The following COL9A1 variants were observed in gnomAD, a reference collection of about 807,000 sequenced individuals.
The protein encoded by COL9A1 is collagen type IX alpha 1 chain.
In COL9A1, 104 loss-of-function variants were observed where a neutral mutation model predicts 142.6. The observed-to-expected ratio is 0.73, with a 90% CI of 0.62 to 0.86. The LOEUF (loss-of-function observed/expected upper bound fraction) is 0.86, where lower values mean the gene tolerates loss of function less well. Among genes scored for constraint, COL9A1 ranks in the 40% least tolerant of loss-of-function variants. The probability of loss-of-function intolerance (pLI) is 0.00; values close to 1 mark genes in which losing one functional copy is unlikely to be tolerated. For missense variants in COL9A1, 1,210 were observed against 1,176.6 expected (o/e 1.03, Z -0.42); for synonymous variants, 466 against 396.0 (o/e 1.18, Z -2.10).
intron 4 of COL9A1, among the ~76,000 whole-genome samples, chr6:70,295,869 C>T (rs1221841021): frequency 2.0e-5 from 3 of 152,134 alleles, no homozygotes; most frequent in Non-Finnish European, 4.4e-5. Context: ...AGAAAAATTC[C>T]TAAGCAAGGA....
At chr6:70,234,747 G>A (rs776778931) in intron 34 of COL9A1, 47 bp downstream of exon 34, 6 of 1,613,262 alleles carry the variant, frequency 3.7e-6, no homozygotes, top group Non-Finnish European at 4.2e-6. Flanking sequence ...CTGCTGCTGT[G>A]GGATGGAGTC....
intron 16 of COL9A1, 83 bp from the exon 17 acceptor site, chr6:70,268,943 T>A: frequency 8.7e-7 from 1 of 1,151,564 alleles, no homozygotes; most frequent in Non-Finnish European, 1.3e-6. Context: ...CAGTATCTTT[T>A]TTAAGGGATT....
intron 18 of COL9A1, among the ~76,000 whole-genome samples, chr6:70,264,199 T>A (rs1771874340): frequency 6.6e-6 from 1 of 152,034 alleles, no homozygotes; most frequent in African/African-American, 2.4e-5. Context: ...TCATTTATAG[T>A]TACTCTTATT....
At chr6:70,273,134 C>G (rs964400395) in intron 12 of COL9A1, among the ~76,000 whole-genome samples, 3 of 152,090 alleles carry the variant, frequency 2.0e-5, no homozygotes, top group African/African-American at 4.8e-5. Context: ...TTCACATGGA[C>G]AGTATGTTTT....
chr6:70,257,058 T>A (rs1367085034), intron 20 of COL9A1, among the ~76,000 whole-genome samples: 2 of 143,288 alleles, frequency 1.4e-5, no homozygotes. Flanking sequence ...ATTTTTTTTT[T>A]TTTTTTTTTT....
At chr6:70,231,797 T>C (rs1056677246) in intron 36 of COL9A1, among the ~76,000 whole-genome samples, 1 of 152,006 alleles carries the variant, frequency 6.6e-6, no homozygotes, top group African/African-American at 2.4e-5. Flanking sequence ...TCACTCATCA[T>C]GACATAGAAA....
intron 33 of COL9A1, among the ~76,000 whole-genome samples, chr6:70,236,819 ACTT>A (rs1292213528): frequency 2.0e-5 from 3 of 151,242 alleles, no homozygotes; most frequent in Admixed American, 6.6e-5. Flanking sequence ...AACTGTAACA[ACTT>A]CTTTTTTTTT....
At chr6:70,252,021 C>T (rs1006125964) in intron 28 of COL9A1, 99 bp downstream of exon 28, 4 of 1,252,452 alleles carry the variant, frequency 3.2e-6, no homozygotes, top group African/African-American at 2.9e-5. Flanking sequence ...TGGGCTCAAA[C>T]ATCAGACAGC....
At position 70,303,031 on chromosome 6, in the gene COL9A1, T is replaced by C. The variant is rs9455037; in HGVS notation, c.-107A>G. 15,064 of 1,245,044 alleles carry C rather than the reference T, an allele frequency of 0.012. 1,294 individuals are homozygous for C. The African/African-American group carries it at 0.19, about 16-fold the overall frequency. The allele number at this position is 1,245,044 out of a possible 1,614,324, so 77.1% of individuals were successfully genotyped here. ...TTCACTGTTACCCTAGGACTATGTG[T>C]TCTGGGCCCAGCCTTGGTCCCTCCT... On this transcript the variant is annotated 5_prime_UTR_variant, in exon 1 of 38. Coordinates refer to ENST00000357250, the MANE Select transcript of COL9A1 (RefSeq NM_001851.6).
chr6:70,232,599 A>G lies in COL9A1; in HGVS notation c.2487T>C (p.Gly829=). Residue 829 remains glycine, a synonymous_variant, in exon 36 of 38, where the codon GGT becomes GGC. Coordinates refer to ENST00000357250, the MANE Select transcript of COL9A1 (RefSeq NM_001851.6). ...PGIKGPPGAL[G]LRGPKGDLGE... ...ATGACTTACCTTTAGGTCCCCTCAA[A>G]CCAAGAGCACCAGGGGGCCCCTTAA... 1 of 1,614,012 alleles carries G rather than the reference A, an allele frequency of 6.2e-7. No individual in the cohort carries two copies. The highest frequency in any genetic ancestry group is 8.5e-7 in the Non-Finnish European group (1 of 1,180,028).
chr6:70,302,871 C>T, intron 1 of COL9A1, 40 bp downstream of exon 1: 1 of 1,611,056 alleles, frequency 6.2e-7, no homozygotes, highest in African/African-American at 1.3e-5. Flanking sequence ...GGACCCCCAG[C>T]TCCATCTCCC....
At chr6:70,302,863 A>AC in intron 1 of COL9A1, 48 bp downstream of exon 1, 1 of 1,603,134 alleles carries the variant, frequency 6.2e-7, no homozygotes, top group Non-Finnish European at 8.5e-7. Context: ...GGTTCTGAGG[A>AC]CCCCCAGCTC....
chr6:70,257,308 C>A (rs1429350716), intron 20 of COL9A1, among the ~76,000 whole-genome samples: 1 of 152,080 alleles, frequency 6.6e-6, no homozygotes, highest in African/African-American at 2.4e-5. Context: ...ATCTGCCCAC[C>A]TTGGCCTCCC....
intron 4 of COL9A1, among the ~76,000 whole-genome samples, chr6:70,299,782 A>T (rs1361047419): frequency 6.6e-6 from 1 of 152,190 alleles, no homozygotes; most frequent in African/African-American, 2.4e-5. Context: ...AACAGAAAGC[A>T]AGGTAATAAG....
chr6:70,269,579 G>T (rs1463708677), intron 16 of COL9A1, 54 bp downstream of exon 16: 8 of 1,183,534 alleles, frequency 6.8e-6, no homozygotes, highest in Non-Finnish European at 1.0e-5. Context: ...CTCATCTGCA[G>T]GCTATATGGT....
At chr6:70,234,517 CA>C in intron 35 of COL9A1, 21 bp downstream of exon 35, 1 of 1,613,168 alleles carries the variant, frequency 6.2e-7, no homozygotes, top group South Asian at 1.1e-5. Context: ...TGGAAAAAGT[CA>C]AACCATTGTG....
At chr6:70,259,875 G>C (rs551081126) in intron 20 of COL9A1, among the ~76,000 whole-genome samples, 3 of 152,246 alleles carry the variant, frequency 2.0e-5, no homozygotes, top group Non-Finnish European at 4.4e-5. Flanking sequence ...GCTAAGGGCA[G>C]GCTAGTGTCC....
intron 37 of COL9A1, among the ~76,000 whole-genome samples, chr6:70,224,143 T>A (rs1769074545): frequency 6.6e-6 from 1 of 152,202 alleles, no homozygotes; most frequent in Non-Finnish European, 1.5e-5. Context: ...CAGCTAAAAT[T>A]AATAATTTTG....
Position 70,270,305 on chromosome 6 carries a change from A to G in COL9A1, c.1197+9T>C, listed in dbSNP as rs374375042. 38 of 1,613,358 alleles carry G rather than the reference A, an allele frequency of 2.4e-5. 1 individual carries two copies. The highest frequency in any genetic ancestry group is 1.1e-4 in the East Asian group (5 of 44,894). On this transcript the variant is annotated intron_variant, in intron 15 of 37. Coordinates refer to ENST00000357250, the MANE Select transcript of COL9A1 (RefSeq NM_001851.6). ...ACACAAACAGAAATTCAAGCTGCAA[A>G]TAACTTACTCTGGGTCCTGGGGGGC...
Sources: allele counts gnomAD v4.1 joint callset (sites outside exome capture counted in the v4.1 genomes callset), GRCh38; gene constraint gnomAD v4.1.1; transcripts MANE v1.5; gene names NCBI Gene and HGNC (gene_info 2026-07-23, HGNC 2026-07-21).